The following QTMAN variants were observed in gnomAD, a reference collection of about 807,000 sequenced individuals.
QTMAN encodes the protein queuosine-tRNA mannosyltransferase.
At chr2:143,994,697 A>G in the QTMAN span, among the ~76,000 whole-genome samples, 19 of 152,344 alleles carry the variant, frequency 1.2e-4, no homozygotes, top group East Asian at 3.7e-3. Context: ...GCAAATCTAT[A>G]GTGAAAGCAA....
the QTMAN span, among the ~76,000 whole-genome samples, chr2:144,124,012 G>A: frequency 2.6e-5 from 4 of 151,984 alleles, no homozygotes; most frequent in Admixed American, 2.6e-4. Context: ...CAAATAACTT[G>A]GATCCTATCA....
At chr2:143,992,304 G>A in the QTMAN span, among the ~76,000 whole-genome samples, 1 of 148,984 alleles carries the variant, frequency 6.7e-6, no homozygotes, top group African/African-American at 2.5e-5. Context: ...GGCAGTGCAA[G>A]ATGTGCTTTG....
the QTMAN span, among the ~76,000 whole-genome samples, chr2:143,989,619 C>A: frequency 1.3e-5 from 2 of 152,086 alleles, no homozygotes; most frequent in Non-Finnish European, 2.9e-5. Context: ...GGTAAACATA[C>A]CCTCATACTT....
At chr2:144,145,451 C>A in the QTMAN span, 1 of 595,762 alleles carries the variant, frequency 1.7e-6, no homozygotes, top group Non-Finnish European at 3.0e-6. Flanking sequence ...TAAATATTTG[C>A]ACCTACCTTA....
chr2:144,049,910 A>G, the QTMAN span, among the ~76,000 whole-genome samples: 7 of 152,180 alleles, frequency 4.6e-5, no homozygotes, highest in African/African-American at 1.7e-4. Context: ...CTATTTAGTA[A>G]AGATATAGCA....
chr2:144,243,469 G>A, the QTMAN span, among the ~76,000 whole-genome samples: 1 of 152,260 alleles, frequency 6.6e-6, no homozygotes, highest in Admixed American at 6.5e-5. Flanking sequence ...TATGATATTA[G>A]GAATGATAGC....
the QTMAN span, among the ~76,000 whole-genome samples, chr2:144,193,942 C>A: frequency 6.6e-6 from 1 of 152,096 alleles, no homozygotes; most frequent in African/African-American, 2.4e-5. Flanking sequence ...TATTTCTTCC[C>A]GCTCTATCAC....
chr2:144,194,620 T>TA, the QTMAN span, among the ~76,000 whole-genome samples: 1 of 152,210 alleles, frequency 6.6e-6, no homozygotes, highest in East Asian at 1.9e-4. Flanking sequence ...ACAAATACAT[T>TA]AGTCGGTAAG....
the QTMAN span, among the ~76,000 whole-genome samples, chr2:144,233,506 C>T: frequency 1.6e-4 from 24 of 152,148 alleles, no homozygotes; most frequent in Non-Finnish European, 1.9e-4. Flanking sequence ...TGCCTTCCTT[C>T]GGTGATGCTG....
the QTMAN span, among the ~76,000 whole-genome samples, chr2:144,196,980 C>T: frequency 2.0e-5 from 3 of 152,036 alleles, no homozygotes; most frequent in Admixed American, 6.6e-5. Flanking sequence ...GATGATGATA[C>T]CTTCTGAGAA....
At chr2:144,131,772 T>G in the QTMAN span, among the ~76,000 whole-genome samples, 1 of 151,930 alleles carries the variant, frequency 6.6e-6, no homozygotes, top group African/African-American at 2.4e-5. Flanking sequence ...AAGTAAGTAT[T>G]AGAGTAAGAC....
the QTMAN span, chr2:144,177,013 A>AGC: frequency 3.2e-6 from 2 of 623,204 alleles, no homozygotes; most frequent in Middle Eastern, 4.3e-4. Context: ...GGACAAAGAG[A>AGC]GAGAGTGGTG....
At chr2:144,169,500 A>T in the QTMAN span, among the ~76,000 whole-genome samples, 2 of 152,136 alleles carry the variant, frequency 1.3e-5, no homozygotes, top group Non-Finnish European at 2.9e-5. Flanking sequence ...CAGTATCTAA[A>T]TATTACCTCT....
chr2:144,287,030 A>G, the QTMAN span, among the ~76,000 whole-genome samples: 1 of 152,280 alleles, frequency 6.6e-6, no homozygotes, highest in African/African-American at 2.4e-5. Context: ...AAATGCAAAT[A>G]GAACAGAAAA....
At chr2:144,020,703 C>A in the QTMAN span, among the ~76,000 whole-genome samples, 1 of 152,096 alleles carries the variant, frequency 6.6e-6, no homozygotes, top group Admixed American at 6.5e-5. Flanking sequence ...ACACCCCCAT[C>A]ACACACCCTG....
the QTMAN span, among the ~76,000 whole-genome samples, chr2:144,059,930 C>T: frequency 6.6e-6 from 1 of 152,176 alleles, no homozygotes; most frequent in Non-Finnish European, 1.5e-5. Flanking sequence ...ACTCACCCCT[C>T]TTTTTTCATT....
the QTMAN span, among the ~76,000 whole-genome samples, chr2:144,104,454 G>C: frequency 1.3e-5 from 2 of 152,208 alleles, no homozygotes; most frequent in African/African-American, 4.8e-5. Context: ...CACACCAGGA[G>C]ATTATATCCT....
the QTMAN span, among the ~76,000 whole-genome samples, chr2:144,106,073 C>T: frequency 7.2e-5 from 11 of 152,124 alleles, no homozygotes; most frequent in Non-Finnish European, 1.6e-4. Context: ...TTTGTCACCA[C>T]CAGGCCTGCC....
the QTMAN span, among the ~76,000 whole-genome samples, chr2:144,315,131 C>A: frequency 2.0e-5 from 3 of 152,228 alleles, no homozygotes; most frequent in South Asian, 6.2e-4. Context: ...GTAATCCACC[C>A]GCTTCAGCCT....
Sources: gnomAD v4.1 joint callset for allele counts (sites outside exome capture counted in the v4.1 genomes callset) on GRCh38, gnomAD v4.1.1 for gene constraint, MANE v1.5 for transcripts, NCBI Gene and HGNC (gene_info 2026-07-23, HGNC 2026-07-21) for gene names.